Variants in LARP1 observed in about 807,000 individuals in gnomAD.
The protein encoded by LARP1 is la-related protein 1.
A neutral mutation model predicts 122.7 loss-of-function variants in LARP1; 36 were observed. The ratio of observed to expected loss-of-function variants is 0.29; its 90% CI spans 0.22 to 0.39. The LOEUF (loss-of-function observed/expected upper bound fraction) is 0.39. LARP1 is among the 10% of genes least tolerant of loss of function. The pLI is 1.00. For missense variants in LARP1, 1,040 were observed against 1,403.6 expected (o/e 0.74, Z 4.14); for synonymous variants, 539 against 528.7 (o/e 1.02, Z -0.27).
intron 1 of LARP1, among the ~76,000 whole-genome samples, chr5:154,717,995 G>A (rs976300691): frequency 6.6e-6 from 1 of 151,952 alleles, no homozygotes; most frequent in Non-Finnish European, 1.5e-5. Flanking sequence ...TTAGCTCACT[G>A]CAGTCTCAAA....
chr5:154,808,895 T>C (rs553760431), intron 16 of LARP1, among the ~76,000 whole-genome samples: 20 of 152,316 alleles, frequency 1.3e-4, no homozygotes, highest in Admixed American at 9.1e-4. Flanking sequence ...AAGGACCCTA[T>C]GTAAGTAAGT....
At chr5:154,712,282 C>T (rs1199507218), upstream of LARP1, among the ~76,000 whole-genome samples, 1 of 152,186 alleles carries the variant, frequency 6.6e-6, no homozygotes, top group African/African-American at 2.4e-5. Flanking sequence ...TACCATGCTA[C>T]AGATGTGGAA....
intron 1 of LARP1, among the ~76,000 whole-genome samples, chr5:154,731,330 G>T (rs12652443): frequency 0.026 from 3,975 of 152,252 alleles, 112 homozygotes; most frequent in South Asian, 0.093. Flanking sequence ...ATGACCATGT[G>T]TAACTTTTAT....
chr5:154,734,587 C>A (rs1582236408), intron 1 of LARP1, among the ~76,000 whole-genome samples: 1 of 152,038 alleles, frequency 6.6e-6, no homozygotes, highest in East Asian at 1.9e-4. Context: ...GTTTTGAAAC[C>A]AGCTGTTTTT....
chr5:154,760,526 T>A (rs896263454), intron 1 of LARP1, among the ~76,000 whole-genome samples: 1 of 152,198 alleles, frequency 6.6e-6, no homozygotes, highest in African/African-American at 2.4e-5. Flanking sequence ...GGAGCCTAAG[T>A]CGATGGCTTG....
Position 154,694,143 on chromosome 5 carries a change from G to A in LARP1, c.-180+11106G>A, listed in dbSNP as rs986074687. Among the ~76,000 whole-genome samples the A allele has an allele frequency of 4.6e-5, 7 of 152,162 alleles. No individual in the cohort carries two copies. In the South Asian group the frequency reaches 1.0e-3, roughly 23 times the overall value. On this transcript the variant is annotated intron_variant, in intron 1 of 18. Transcript: ENST00000687700. ...AACAAAAAAAAGTAATGGGGAGGAG[G>A]TTCTAGATTTAAAGAGACCTAATAG...
At chr5:154,727,654 C>T (rs942593727) in intron 1 of LARP1, among the ~76,000 whole-genome samples, 2 of 152,074 alleles carry the variant, frequency 1.3e-5, no homozygotes, top group Non-Finnish European at 2.9e-5. Context: ...GTTGTGTTCT[C>T]ACAAAAATAA....
At chr5:154,763,868 G>A (rs1031543154) in intron 1 of LARP1, among the ~76,000 whole-genome samples, 2 of 151,976 alleles carry the variant, frequency 1.3e-5, no homozygotes, top group African/African-American at 4.8e-5. Context: ...ACAAAAATTA[G>A]TCGAGCATGG....
chr5:154,754,509 A>C (rs1368124129), upstream of LARP1, among the ~76,000 whole-genome samples: 1 of 152,272 alleles, frequency 6.6e-6, no homozygotes, highest in Non-Finnish European at 1.5e-5. Flanking sequence ...CTCCGCCCAA[A>C]GCAATTCTTT....
Position 154,755,566 on chromosome 5 carries a change from G to T in LARP1, c.-192G>T, listed in dbSNP as rs1441909750. 5.1e-6 allele frequency: 5 copies of T among 987,498 alleles called. No individual in the cohort carries two copies. Among genetic ancestry groups the T allele is most frequent in the Middle Eastern group, 2.8e-4 (1 of 3,562 alleles). The allele number at this position is 987,498 out of a possible 1,614,324, so 61.2% of individuals were successfully genotyped here. A position where few individuals can be genotyped will look rare whatever the true frequency, so the allele number is the denominator to read the frequency against. On this transcript the variant is annotated 5_prime_UTR_variant, in exon 1 of 19. Transcript: ENST00000518297. ...GCCTTCCTCCCCCCCCGCCCCGCTA[G>T]TGGGCCTCGGATTTACGGCGGCTGC...
At chr5:154,716,591 A>C (rs776235814) in intron 1 of LARP1, among the ~76,000 whole-genome samples, 22 of 151,718 alleles carry the variant, frequency 1.5e-4, no homozygotes, top group African/African-American at 5.1e-4. Context: ...TGGGATTACA[A>C]GCATGCACCA....
At chr5:154,692,228 C>T (rs149829311) in intron 1 of LARP1, among the ~76,000 whole-genome samples, 2 of 152,300 alleles carry the variant, frequency 1.3e-5, no homozygotes, top group East Asian at 1.9e-4. Flanking sequence ...CTTCCCTCAC[C>T]TTAAGGAAGT....
At chr5:154,756,914 G>A (rs539976032) in intron 1 of LARP1, among the ~76,000 whole-genome samples, 1 of 151,820 alleles carries the variant, frequency 6.6e-6, no homozygotes, top group East Asian at 2.0e-4. Flanking sequence ...CGGAAAATGT[G>A]AGGCGGGTGA....
chr5:154,790,373 G>A lies in LARP1; in HGVS notation c.485G>A (p.Arg162His), dbSNP rs145483176. 3.4e-5 allele frequency: 55 copies of A among 1,613,496 alleles called. No individual in the cohort carries two copies. Among genetic ancestry groups the A allele is most frequent in the Non-Finnish European group, 4.0e-5 (47 of 1,179,724 alleles). The change falls in exon 2 of 19, where the codon CGC becomes CAC. Residue 162 changes from arginine to histidine, a missense_variant. Arg to His is a conservative substitution (Grantham distance 29). Around this residue, in one of 8 missense-constraint regions of LARP1, gnomAD observed 257 missense variants for 273.3 expected, o/e 0.94. Transcript: ENST00000518297. ...GTGAGGGCAGCTGTTCCTAAACAGC[G>A]CAAAGGCAGCAAGGTAAAGAATAAC... ...KVVRAAVPKQRKGSKVGDFGD... is the reference protein window; with the variant it reads ...KVVRAAVPKQHKGSKVGDFGD...
chr5:154,775,215 G>A (rs1318171969), intron 1 of LARP1, among the ~76,000 whole-genome samples: 1 of 152,170 alleles, frequency 6.6e-6, no homozygotes, highest in East Asian at 1.9e-4. Flanking sequence ...CAGGAAGATC[G>A]TGTGAGTTCA....
In LARP1 at chr5:154,755,536, G is replaced by T. The variant is rs1272522435; in HGVS notation, c.-222G>T. On this transcript the variant is annotated 5_prime_UTR_variant, in exon 1 of 19. Transcript: ENST00000518297. ...GCCTAGGAGGCCTGGACTGCAGAGT[G>T]GGGGGCCTTCCTCCCCCCCCGCCCC... 1.0e-6 allele frequency: 1 copy of T among 986,632 alleles called. No individual in the cohort carries two copies. The highest frequency in any genetic ancestry group is 1.2e-6 in the Non-Finnish European group (1 of 829,460). 61.1% of individuals were successfully genotyped at this position (986,632 alleles called of 1,614,324 possible).
At chr5:154,733,956 G>T (rs1201897210) in intron 1 of LARP1, among the ~76,000 whole-genome samples, 1 of 151,840 alleles carries the variant, frequency 6.6e-6, no homozygotes, top group East Asian at 1.9e-4. Context: ...ACCTGAGTTC[G>T]GGAGATCGAG....
chr5:154,749,961 AT>A (rs1398583911), intron 1 of LARP1, among the ~76,000 whole-genome samples: 2 of 152,092 alleles, frequency 1.3e-5, no homozygotes, highest in Non-Finnish European at 1.5e-5. Flanking sequence ...TAAACTTTGT[AT>A]TTTCTTCCTG....
intron 3 of LARP1, among the ~76,000 whole-genome samples, chr5:154,791,107 G>A (rs1757304962): frequency 6.7e-6 from 1 of 150,354 alleles, no homozygotes; most frequent in Middle Eastern, 3.6e-3. Context: ...ATGAGCCACC[G>A]TGCCCGGCCT....
Sources: gnomAD v4.1 joint callset for allele counts (sites outside exome capture counted in the v4.1 genomes callset) on GRCh38, gnomAD v4.1.1 for gene constraint, gnomAD v4.1.1 regional missense constraint, MANE v1.5 for transcripts, NCBI Gene and HGNC (gene_info 2026-07-23, HGNC 2026-07-21) for gene names.